Variants in IPMK observed in about 807,000 individuals in gnomAD.
The protein encoded by IPMK is inositol 1,3,4,6-tetrakisphosphate 5-kinase.
IPMK carries 17 observed loss-of-function variants against 45.8 expected under a neutral mutation model. The observed-to-expected ratio is 0.37, with a 90% CI of 0.25 to 0.56. IPMK has a LOEUF of 0.56. Ranked by LOEUF, IPMK falls within the 20% of genes least tolerant of loss-of-function variation. IPMK has a pLI of 0.79. For synonymous variants in IPMK, 180 were observed against 184.3 expected, an observed-to-expected ratio of 0.98 and a Z score of 0.19; for missense variants, 399 against 498.0, an observed-to-expected ratio of 0.80 and a Z score of 1.89.
intron 1 of IPMK, among the ~76,000 whole-genome samples, chr10:58,249,495 G>A (rs1378794115): frequency 3.4e-5 from 5 of 146,612 alleles, no homozygotes; most frequent in African/African-American, 1.3e-4. Context: ...TACCCCAACT[G>A]GTCATTTGTA....
chr10:58,196,095 C>T lies in IPMK; in HGVS notation c.1232G>A (p.Arg411Gln), dbSNP rs759900712. Residue 411 changes from arginine (R) to glutamine (Q), a missense_variant, in exon 6 of 6, where the codon CGA becomes CAA. Physicochemically the swap from Arg to Gln is conservative, Grantham distance 43. Coordinates refer to ENST00000373935, the MANE Select transcript of IPMK (RefSeq NM_152230.5). ...GAGGATTCAATTGTCTAAAATACTTCGAAGTACAGAAATTAAATGCTTTAG... is the reference window on the plus strand; with the variant it reads ...GAGGATTCAATTGTCTAAAATACTTTGAAGTACAGAAATTAAATGCTTTAG... ...YGLKHLISVLRSILDN is the reference protein window; with the variant it reads ...YGLKHLISVLQSILDN 7 of 1,612,532 alleles carry T rather than the reference C, an allele frequency of 4.3e-6. No individual in the cohort carries two copies. The highest frequency in any genetic ancestry group is 3.3e-5 in the South Asian group (3 of 90,936).
intron 2 of IPMK, among the ~76,000 whole-genome samples, chr10:58,232,945 G>T (rs1010934187): frequency 1.3e-5 from 2 of 151,608 alleles, no homozygotes; most frequent in Non-Finnish European, 3.0e-5. Flanking sequence ...GATTAATAAA[G>T]AAGAGAGAAG....
intron 2 of IPMK, among the ~76,000 whole-genome samples, chr10:58,233,853 A>G (rs115240521): frequency 0.022 from 3,299 of 152,286 alleles, 134 homozygotes; most frequent in African/African-American, 0.076. Context: ...AAAGGCATTC[A>G]GTTAGGAAAT....
chr10:58,221,143 T>C (rs947083687), intron 3 of IPMK, among the ~76,000 whole-genome samples: 1 of 152,222 alleles, frequency 6.6e-6, no homozygotes, highest in African/African-American at 2.4e-5. Context: ...TTATATGTAA[T>C]AAACCTACTT....
At position 58,191,788 on chromosome 10, in the gene IPMK, T is replaced by C. The variant is rs1267570179; in HGVS notation, c.*4288A>G. Reference sequence around the variant, plus strand: ...TTCATCAAGTACAATAAATTTAGCATTGCTGCTTATAGTCACTAATAACAC... The same window carrying C: ...TTCATCAAGTACAATAAATTTAGCACTGCTGCTTATAGTCACTAATAACAC... On this transcript the variant is annotated 3_prime_UTR_variant, in exon 6 of 6. Transcript: ENST00000373935. The C allele has an allele frequency of 2.6e-5, 4 of 152,262 alleles. No individual in the cohort carries two copies. The highest frequency in any genetic ancestry group is 6.5e-5 in the Admixed American group (1 of 15,290). The allele number at this position is 152,262 out of a possible 1,614,324, so 9.4% of individuals were successfully genotyped here.
At chr10:58,267,376 G>T in intron 1 of IPMK, 46 bp downstream of exon 1, 1 of 1,591,514 alleles carries the variant, frequency 6.3e-7, no homozygotes, top group Non-Finnish European at 8.6e-7. Context: ...CAGGGGGCTC[G>T]CACAGGCGGA....
At chr10:58,211,989 GT>G (rs1191690767) in intron 4 of IPMK, among the ~76,000 whole-genome samples, 2 of 150,982 alleles carry the variant, frequency 1.3e-5, no homozygotes, top group Non-Finnish European at 2.9e-5. Flanking sequence ...GTTTTGTGGG[GT>G]TTTTTTCCCC....
Position 58,193,909 on chromosome 10 carries a change from T to C in IPMK, c.*2167A>G, listed in dbSNP as rs554617425. 3 of 151,868 alleles carry C rather than the reference T, an allele frequency of 2.0e-5. No homozygotes were observed. Among genetic ancestry groups the C allele is most frequent in the Non-Finnish European group, 4.4e-5 (3 of 67,698 alleles). The allele number at this position is 151,868 out of a possible 1,614,324, so 9.4% of individuals were successfully genotyped here. A position where few individuals can be genotyped will look rare whatever the true frequency, so the allele number is the denominator to read the frequency against. ...ACCTAAGCCTACTTATAAAGCAACA[T>C]AAAATGAGCATTGGATAACAATGAT... On this transcript the variant is annotated 3_prime_UTR_variant, in exon 6 of 6. Transcript: ENST00000373935.
chr10:58,230,925 C>T (rs1838506510), intron 2 of IPMK, among the ~76,000 whole-genome samples: 1 of 152,092 alleles, frequency 6.6e-6, no homozygotes, highest in Non-Finnish European at 1.5e-5. Context: ...AGCTAAAAAC[C>T]TTGAAAAAAG....
chr10:58,238,060 C>T (rs376706274), intron 1 of IPMK, among the ~76,000 whole-genome samples: 4 of 152,242 alleles, frequency 2.6e-5, no homozygotes, highest in South Asian at 4.1e-4. Flanking sequence ...TTGGCACCCT[C>T]GGGCTTTATA....
At chr10:58,254,244 CCT>C (rs1198535103) in intron 1 of IPMK, among the ~76,000 whole-genome samples, 2 of 151,852 alleles carry the variant, frequency 1.3e-5, no homozygotes, top group Non-Finnish European at 2.9e-5. Context: ...TCTTTTTGCT[CCT>C]CTGTTTAGAT....
chr10:58,233,259 C>T (rs1748938837), intron 2 of IPMK, among the ~76,000 whole-genome samples: 1 of 152,216 alleles, frequency 6.6e-6, no homozygotes, highest in African/African-American at 2.4e-5. Context: ...GGAGCTGGTA[C>T]CATTCCTTCT....
chr10:58,213,685 C>CA (rs1332533772), intron 4 of IPMK, among the ~76,000 whole-genome samples: 146 of 86,390 alleles, frequency 1.7e-3, no homozygotes, highest in African/African-American at 4.9e-3. Context: ...GACTCCGTCT[C>CA]AAAAAAAAAA....
chr10:58,213,776 G>A (rs779645662), intron 4 of IPMK, among the ~76,000 whole-genome samples: 7 of 152,168 alleles, frequency 4.6e-5, no homozygotes, highest in Non-Finnish European at 8.8e-5. Flanking sequence ...GGAGAGAGAT[G>A]GGTGCCATAG....
At chr10:58,255,896 G>A (rs751537218) in intron 1 of IPMK, among the ~76,000 whole-genome samples, 6 of 152,094 alleles carry the variant, frequency 3.9e-5, no homozygotes, top group Non-Finnish European at 8.8e-5. Flanking sequence ...TGTCTTTACT[G>A]CAATCTCTGA....
intron 1 of IPMK, among the ~76,000 whole-genome samples, chr10:58,239,850 A>T (rs1838670853): frequency 6.6e-6 from 1 of 152,204 alleles, no homozygotes; most frequent in African/African-American, 2.4e-5. Flanking sequence ...AGATACACTG[A>T]AACTGAGACT....
intron 4 of IPMK, among the ~76,000 whole-genome samples, chr10:58,211,317 G>A (rs1042367685): frequency 2.0e-5 from 3 of 151,722 alleles, no homozygotes; most frequent in Admixed American, 1.3e-4. Flanking sequence ...TCAGCCTCTC[G>A]AGTAGCTGGG....
At chr10:58,244,343 C>CT (rs1838757736) in intron 1 of IPMK, among the ~76,000 whole-genome samples, 1 of 149,256 alleles carries the variant, frequency 6.7e-6, no homozygotes, top group African/African-American at 2.5e-5. Context: ...AGGAGCGCCT[C>CT]TGCCCGGCCG....
chr10:58,210,254 G>A (rs577331445), intron 4 of IPMK, among the ~76,000 whole-genome samples: 3 of 152,212 alleles, frequency 2.0e-5, no homozygotes, highest in East Asian at 1.9e-4. Flanking sequence ...CGCAGTTGGC[G>A]AGGCTGGTGT....
Sources: allele counts gnomAD v4.1 joint callset (sites outside exome capture counted in the v4.1 genomes callset), GRCh38; gene constraint gnomAD v4.1.1; transcripts MANE v1.5; gene names NCBI Gene and HGNC (gene_info 2026-07-23, HGNC 2026-07-21).